Variants in RYR2 observed in about 807,000 individuals in gnomAD.
RYR2 encodes the protein ryanodine receptor 2.
Under a neutral mutation model 601.1 loss-of-function variants are expected in RYR2, and 227 were observed. The ratio of observed to expected loss-of-function variants is 0.38; its 90% CI spans 0.34 to 0.42. The LOEUF is 0.42. Ranked by LOEUF, RYR2 falls within the 10% of genes least tolerant of loss-of-function variation. RYR2 has a pLI of 1.00. For missense variants in RYR2, 4,646 were observed against 6,156.5 expected (o/e 0.75, Z 8.21); for synonymous variants, 2,223 against 2,175.1 (o/e 1.02, Z -0.61).
chr1:237,432,782 C>T lies in RYR2; in HGVS notation c.1006-8537C>T, dbSNP rs73104473. ...CTTTTTCTTACATCTGTTTTTCTGT[C>T]ATCACTATCATTATCATCAGCATCA... is the stretch of plus-strand genomic sequence containing the variant. On this transcript the variant is annotated intron_variant, in intron 12 of 104. Transcript: ENST00000366574. 4.9e-3 allele frequency among the ~76,000 whole-genome samples: 739 copies of T among 151,930 alleles called. 8 individuals carry two copies. Among genetic ancestry groups the T allele is most frequent in the African/African-American group, 0.016 (665 of 41,468 alleles).
At chr1:237,618,018 T>C (rs373646704) in intron 38 of RYR2, among the ~76,000 whole-genome samples, 7 of 152,286 alleles carry the variant, frequency 4.6e-5, no homozygotes, top group African/African-American at 1.7e-4. Flanking sequence ...GATGTAAATT[T>C]TCTGGAATCT....
At chr1:237,201,959 T>C (rs552934415) in intron 1 of RYR2, among the ~76,000 whole-genome samples, 2 of 152,314 alleles carry the variant, frequency 1.3e-5, no homozygotes, top group East Asian at 3.9e-4. Flanking sequence ...CCTATCTCAA[T>C]TTGGATGGAT....
At chr1:237,294,353 C>T (rs1470791259) in intron 2 of RYR2, among the ~76,000 whole-genome samples, 2 of 151,638 alleles carry the variant, frequency 1.3e-5, no homozygotes, top group Non-Finnish European at 2.9e-5. Flanking sequence ...TGCATTTTTC[C>T]AGGTAGCTAC....
In RYR2 at chr1:237,733,812, T is replaced by C. The variant is rs1690905661; in HGVS notation, c.11091+56T>C. 5.0e-6 allele frequency: 6 copies of C among 1,188,500 alleles called. No individual in the cohort carries two copies. In the Admixed American group the frequency reaches 8.7e-5, roughly 17 times the overall value. 73.6% of individuals were successfully genotyped at this position (1,188,500 alleles called of 1,614,324 possible). On this transcript the variant is annotated intron_variant, in intron 79 of 104. Transcript: ENST00000366574. ...TTAATTTTAATAAAGGGAAGTAACT[T>C]TCATCTGAAAAGGATAAGAATCTGT...
intron 17 of RYR2, among the ~76,000 whole-genome samples, chr1:237,476,236 G>A (rs527360697): frequency 1.2e-4 from 18 of 152,224 alleles, no homozygotes; most frequent in East Asian, 3.9e-4. Context: ...GAGGCTGGTC[G>A]TGGTGGCTCA....
At chr1:237,768,120 A>G (rs1466675667) in intron 84 of RYR2, among the ~76,000 whole-genome samples, 1 of 152,146 alleles carries the variant, frequency 6.6e-6, no homozygotes, top group Non-Finnish European at 1.5e-5. Flanking sequence ...TTACTGTTTC[A>G]CTCGTAGCTT....
chr1:237,705,116 A>G, intron 66 of RYR2, 97 bp from the exon 67 acceptor site: 1 of 1,066,912 alleles, frequency 9.4e-7, no homozygotes, highest in Admixed American at 2.2e-5. Flanking sequence ...TAGGACCAAT[A>G]TTATCATTCC....
intron 101 of RYR2, among the ~76,000 whole-genome samples, chr1:237,826,335 TA>T (rs962912028): frequency 3.5e-4 from 53 of 152,126 alleles, no homozygotes; most frequent in African/African-American, 6.0e-4. Flanking sequence ...TATGCAGCCA[TA>T]AAAAAAGGAT....
At chr1:237,325,539 T>G (rs2149542821) in intron 2 of RYR2, among the ~76,000 whole-genome samples, 1 of 151,740 alleles carries the variant, frequency 6.6e-6, no homozygotes, top group Non-Finnish European at 1.5e-5. Context: ...ATACAAAAAT[T>G]TAGCCGGGCG....
chr1:237,621,516 A>C (rs1775833), intron 38 of RYR2, among the ~76,000 whole-genome samples: 95,589 of 151,910 alleles, frequency 0.63, 31,366 homozygotes, highest in Non-Finnish European at 0.72. Context: ...AAACAACTGA[A>C]AAAGAAAAAG....
chr1:237,546,993 A>ATATATTTATTTATT (rs746133377), intron 25 of RYR2, among the ~76,000 whole-genome samples: 2 of 127,400 alleles, frequency 1.6e-5, no homozygotes, highest in African/African-American at 5.6e-5. Flanking sequence ...ATATATATAT[A>ATATATTTATTTATT]TATTTATTTA....
intron 60 of RYR2, among the ~76,000 whole-genome samples, chr1:237,677,697 C>G (rs1172425997): frequency 1.3e-5 from 2 of 152,058 alleles, no homozygotes; most frequent in African/African-American, 4.8e-5. Context: ...GTCCTCTTCC[C>G]CAGTGAGCTT....
chr1:237,187,847 A>G (rs1679541101), intron 1 of RYR2, among the ~76,000 whole-genome samples: 1 of 152,212 alleles, frequency 6.6e-6, no homozygotes, highest in Admixed American at 6.5e-5. Flanking sequence ...TAAGAACCTA[A>G]GTACACCTTT....
intron 1 of RYR2, among the ~76,000 whole-genome samples, chr1:237,268,272 A>G (rs1258443986): frequency 6.6e-6 from 1 of 152,202 alleles, no homozygotes; most frequent in African/African-American, 2.4e-5. Context: ...TCCATAGGGT[A>G]GGTGAGACAA....
At chr1:237,798,423 A>G (rs1659536072) in intron 97 of RYR2, among the ~76,000 whole-genome samples, 1 of 148,640 alleles carries the variant, frequency 6.7e-6, no homozygotes, top group Admixed American at 6.8e-5. Flanking sequence ...TATGTTTTTT[A>G]CTTAATTTGC....
chr1:237,763,082 A>G (rs1693558089), intron 84 of RYR2, among the ~76,000 whole-genome samples: 1 of 152,158 alleles, frequency 6.6e-6, no homozygotes. Flanking sequence ...TTTTACATTT[A>G]CACATCTAGC....
chr1:237,055,056 T>C (rs750793000), intron 1 of RYR2, among the ~76,000 whole-genome samples: 1 of 152,180 alleles, frequency 6.6e-6, no homozygotes, highest in Non-Finnish European at 1.5e-5. Context: ...CCCACCTCTG[T>C]CGGATCCTGT....
At chr1:237,632,976 T>C (rs10925477) in intron 42 of RYR2, among the ~76,000 whole-genome samples, 15,735 of 152,054 alleles carry the variant, frequency 0.1, 1,264 homozygotes, top group African/African-American at 0.23. Context: ...GGGTAAACTA[T>C]GATAATATTT....
chr1:237,526,692 T>A, intron 24 of RYR2, among the ~76,000 whole-genome samples: 1 of 152,070 alleles, frequency 6.6e-6, no homozygotes, highest in East Asian at 1.9e-4. Flanking sequence ...TCCTGTTGAG[T>A]TGTTTAAGTT....
Sources: gnomAD v4.1 joint callset for allele counts (sites outside exome capture counted in the v4.1 genomes callset) on GRCh38, gnomAD v4.1.1 for gene constraint, MANE v1.5 for transcripts, NCBI Gene and HGNC (gene_info 2026-07-23, HGNC 2026-07-21) for gene names.